Variants in PRKG2 observed in about 807,000 individuals in gnomAD.
PRKG2 encodes cGMP-dependent protein kinase 2.
A neutral mutation model predicts 97.2 loss-of-function variants in PRKG2; 33 were observed. That is an observed-to-expected ratio of 0.34 (90% CI 0.26 to 0.45). The LOEUF (loss-of-function observed/expected upper bound fraction) is 0.45, where lower values mean the gene tolerates loss of function less well. PRKG2 is among the 20% of genes least tolerant of loss of function. The pLI is 1.00. For synonymous variants in PRKG2, 330 were observed against 321.8 expected, an observed-to-expected ratio of 1.03 and a Z score of -0.27; for missense variants, 638 against 900.0, an observed-to-expected ratio of 0.71 and a Z score of 3.73.
intron 6 of PRKG2, among the ~76,000 whole-genome samples, chr4:81,155,579 C>T (rs544900198): frequency 1.6e-3 from 236 of 151,712 alleles, no homozygotes; most frequent in Middle Eastern, 6.8e-3. Flanking sequence ...ATACAGAGAA[C>T]GCCACAAAGA....
intron 2 of PRKG2, among the ~76,000 whole-genome samples, chr4:81,183,611 C>A (rs1439758379): frequency 6.6e-6 from 1 of 151,540 alleles, no homozygotes; most frequent in Non-Finnish European, 1.5e-5. Context: ...TTTTTTCATA[C>A]CCCCGTGGTG....
chr4:81,124,746 C>T (rs1020330577), intron 14 of PRKG2, among the ~76,000 whole-genome samples: 5 of 152,092 alleles, frequency 3.3e-5, no homozygotes, highest in African/African-American at 4.8e-5. Context: ...TGTAACTTCC[C>T]GAGAGACCTC....
chr4:81,130,782 G>A (rs979023886), intron 14 of PRKG2, among the ~76,000 whole-genome samples: 2 of 152,128 alleles, frequency 1.3e-5, no homozygotes, highest in East Asian at 1.9e-4. Flanking sequence ...TGTTTACACT[G>A]TAAGGGTAAA....
chr4:81,090,225 G>A (rs1741405478), intron 18 of PRKG2, among the ~76,000 whole-genome samples: 2 of 152,036 alleles, frequency 1.3e-5, no homozygotes, highest in South Asian at 4.2e-4. Context: ...TGGCATGGTG[G>A]CACACACCTG....
chr4:81,190,352 T>C (rs1309862604), intron 2 of PRKG2, among the ~76,000 whole-genome samples: 1 of 152,202 alleles, frequency 6.6e-6, no homozygotes, highest in Admixed American at 6.5e-5. Flanking sequence ...AAGGATTCCC[T>C]ACTTAATAAA....
chr4:81,214,513 G>A (rs1451545781), intron 1 of PRKG2, among the ~76,000 whole-genome samples: 2 of 151,752 alleles, frequency 1.3e-5, no homozygotes, highest in Non-Finnish European at 2.9e-5. Context: ...AAAAGTCCTT[G>A]CCTGAGGACT....
At chr4:81,122,347 T>C (rs1043624712) in intron 14 of PRKG2, among the ~76,000 whole-genome samples, 5 of 152,162 alleles carry the variant, frequency 3.3e-5, no homozygotes, top group African/African-American at 1.2e-4. Context: ...GCAGGAAAGA[T>C]ATAATGATGT....
intron 2 of PRKG2, among the ~76,000 whole-genome samples, chr4:81,187,129 G>A (rs928647248): frequency 2.6e-5 from 4 of 152,114 alleles, no homozygotes; most frequent in Non-Finnish European, 5.9e-5. Flanking sequence ...ATTTTATGAG[G>A]CCAGCATCAT....
In PRKG2 at chr4:81,183,920, G is replaced by T. The variant is rs150420842; in HGVS notation, c.462-8961C>A. ...GAGCCCACCACAGCTCTGCAAAGAT[G>T]CTGCGGCCTGACTGCCTCTCTAGAT... On this transcript the variant is annotated intron_variant, in intron 2 of 18. Coordinates refer to ENST00000264399, the MANE Select transcript of PRKG2 (RefSeq NM_006259.3). 2.0e-3 allele frequency among the ~76,000 whole-genome samples: 307 copies of T among 152,304 alleles called. 1 individual carries two copies. The highest frequency in any genetic ancestry group is 7.0e-3 in the African/African-American group (293 of 41,574).
chr4:81,165,036 C>T (rs1255841712), intron 6 of PRKG2: 1 of 152,126 alleles, frequency 6.6e-6, no homozygotes, highest in Admixed American at 6.6e-5. Flanking sequence ...TGTCGTTAAT[C>T]TGTACACTCC....
intron 1 of PRKG2, among the ~76,000 whole-genome samples, chr4:81,209,985 A>G (rs909265199): frequency 6.6e-6 from 1 of 152,138 alleles, no homozygotes; most frequent in Non-Finnish European, 1.5e-5. Context: ...TGGAGAAAGG[A>G]TAGTCTTTTT....
At position 81,092,085 on chromosome 4, in the gene PRKG2, T is replaced by C. The variant is rs118146629; in HGVS notation, c.2193+301A>G. Among the ~76,000 whole-genome samples, 551 of 152,284 alleles carry C rather than the reference T, an allele frequency of 3.6e-3. 14 individuals carry two copies. In the East Asian group the frequency reaches 0.079, roughly 22 times the overall value. ...TTAGAAAATCTTAAGTTACATACAT[T>C]GTTCACATCAAATTTATACAGTCAT... On this transcript the variant is annotated intron_variant, in intron 18 of 18. Transcript: ENST00000264399.
At chr4:81,155,170 T>C (rs1188798964) in intron 6 of PRKG2, among the ~76,000 whole-genome samples, 1 of 69,174 alleles carries the variant, frequency 1.4e-5, no homozygotes, top group African/African-American at 4.4e-4. Flanking sequence ...AGAGCGAGAC[T>C]CCGTCTCAAA....
intron 12 of PRKG2, among the ~76,000 whole-genome samples, chr4:81,137,700 C>T (rs1746849531): frequency 6.6e-6 from 1 of 152,130 alleles, no homozygotes; most frequent in Admixed American, 6.5e-5. Context: ...TTTCTCTAAC[C>T]ACAGACTGAA....
At position 81,160,851 on chromosome 4, in the gene PRKG2, G is replaced by T. The variant is rs188415589; in HGVS notation, c.912+6310C>A. On this transcript the variant is annotated intron_variant, in intron 6 of 18. Transcript: ENST00000264399. ...TATCCACCTGTCAGACCAAAAGAGC[G>T]ACTAAATATCTCAGAAAACAAAGGA... Among the ~76,000 whole-genome samples, 68 of 152,182 alleles carry T rather than the reference G, an allele frequency of 4.5e-4. No homozygotes were observed. The East Asian group carries it at 0.011, about 24-fold the overall frequency.
At position 81,089,787 on chromosome 4, in the gene PRKG2, T is replaced by C. The variant is rs1560524867; in HGVS notation, c.2210A>G (p.Asp737Gly). The change falls in exon 19 of 19, where the codon GAT (aspartate) becomes GGT (glycine). Residue 737 changes from aspartate (D) to glycine (G), a missense_variant. Physicochemically the swap from Asp to Gly is moderately conservative, Grantham distance 94. Transcript: ENST00000264399. The part of the protein sequence containing the change: ...PLQRELKGPI[D>G]HSYFDKYPPE... ...AGGATATTTGTCAAAGTAGCTGTGATCTATGGGTCCCTTGAGCTAATATAG... is the reference window on the plus strand; with the variant it reads ...AGGATATTTGTCAAAGTAGCTGTGACCTATGGGTCCCTTGAGCTAATATAG... 1.2e-6 allele frequency: 2 copies of C among 1,609,636 alleles called. No homozygotes were observed. The highest frequency in any genetic ancestry group is 1.7e-6 in the Non-Finnish European group (2 of 1,176,066).
At chr4:81,153,754 G>A in intron 6 of PRKG2, 33 bp from the exon 7 acceptor site, 1 of 1,520,786 alleles carries the variant, frequency 6.6e-7, no homozygotes, top group Non-Finnish European at 9.1e-7. Context: ...AAATGTAAGA[G>A]CGGGTGGAGC....
chr4:81,180,800 C>CTA (rs77886613), intron 2 of PRKG2, among the ~76,000 whole-genome samples: 64,211 of 151,866 alleles, frequency 0.42, 19,230 homozygotes, highest in African/African-American at 0.84. Flanking sequence ...TTAAATATCT[C>CTA]TTCAATAAAT....
chr4:81,194,399 G>T (rs1227206740), intron 2 of PRKG2, among the ~76,000 whole-genome samples: 1 of 143,760 alleles, frequency 7.0e-6, no homozygotes, highest in African/African-American at 2.6e-5. Context: ...TTTGAGTGAT[G>T]AACCAAAAAA....
Sources: gnomAD v4.1 joint callset for allele counts (sites outside exome capture counted in the v4.1 genomes callset) on GRCh38, gnomAD v4.1.1 for gene constraint, MANE v1.5 for transcripts, NCBI Gene and HGNC (gene_info 2026-07-23, HGNC 2026-07-21) for gene names.